The following ANKFN1 variants were observed in gnomAD, a reference collection of about 807,000 sequenced individuals.
ANKFN1 encodes the protein ankyrin repeat and fibronectin type III domain containing 1.
Under a neutral mutation model 108.7 loss-of-function variants are expected in ANKFN1, and 74 were observed. The observed-to-expected ratio is 0.68, with a 90% CI of 0.56 to 0.83. The LOEUF (loss-of-function observed/expected upper bound fraction) is 0.83, where lower values mean the gene tolerates loss of function less well. Among genes scored for constraint, ANKFN1 ranks in the 40% least tolerant of loss-of-function variants. The probability of loss-of-function intolerance (pLI) is 0.00; values close to 1 mark genes in which losing one functional copy is unlikely to be tolerated. For synonymous variants in ANKFN1, 547 were observed against 516.2 expected, an observed-to-expected ratio of 1.06 and a Z score of -0.81; for missense variants, 1,505 against 1,382.3, an observed-to-expected ratio of 1.09 and a Z score of -1.41.
intron 4 of ANKFN1, among the ~76,000 whole-genome samples, chr17:56,078,061 CG>C (rs1329106222): frequency 6.6e-6 from 1 of 152,064 alleles, no homozygotes; most frequent in Non-Finnish European, 1.5e-5. Context: ...TTTGTTGTAG[CG>C]GGCAGTAAAT....
intron 15 of ANKFN1, among the ~76,000 whole-genome samples, chr17:56,468,641 T>G (rs1344887146): frequency 6.6e-6 from 1 of 152,144 alleles, no homozygotes; most frequent in East Asian, 1.9e-4. Flanking sequence ...CTAACTTACT[T>G]TCTAAGTTAC....
intron 1 of ANKFN1, among the ~76,000 whole-genome samples, chr17:56,197,044 A>G (rs1474327945): frequency 6.6e-6 from 1 of 152,208 alleles, no homozygotes; most frequent in Admixed American, 6.5e-5. Flanking sequence ...TGCTTGTTCA[A>G]ATGAAAGAAG....
At chr17:56,286,533 A>G (rs1374912910) in intron 3 of ANKFN1, among the ~76,000 whole-genome samples, 1 of 152,158 alleles carries the variant, frequency 6.6e-6, no homozygotes, top group Non-Finnish European at 1.5e-5. Context: ...TGAGGGCCTC[A>G]TTGTGTCTGT....
At chr17:56,380,670 G>A (rs966681348) in intron 8 of ANKFN1, among the ~76,000 whole-genome samples, 10 of 152,258 alleles carry the variant, frequency 6.6e-5, no homozygotes, top group African/African-American at 2.2e-4. Flanking sequence ...CGCCCACGGA[G>A]TCTCGCTGAT....
chr17:56,394,622 T>C (rs2047527167), intron 8 of ANKFN1, among the ~76,000 whole-genome samples: 1 of 151,864 alleles, frequency 6.6e-6, no homozygotes, highest in Non-Finnish European at 1.5e-5. Flanking sequence ...ACTTATCCCC[T>C]GGGAGCCTGG....
chr17:56,368,405 G>A (rs1170852165), intron 6 of ANKFN1, among the ~76,000 whole-genome samples: 8 of 146,874 alleles, frequency 5.4e-5, no homozygotes, highest in Non-Finnish European at 1.2e-4. Flanking sequence ...TCAGCCTCCC[G>A]TGTAGCTGGG....
rs2051861293 is a variant in ANKFN1 at position 56,514,555 on chromosome 17, G to T, written c.*3286G>T. 6.6e-6 allele frequency among the ~76,000 whole-genome samples: 1 copy of T among 152,172 alleles called. No individual in the cohort carries two copies. The highest frequency in any genetic ancestry group is 1.5e-5 in the Non-Finnish European group (1 of 68,034). On this transcript the variant is annotated 3_prime_UTR_variant, in exon 21 of 21. Coordinates refer to ENST00000682825, the MANE Select transcript of ANKFN1 (RefSeq NM_001370326.1). ...AAACATCCTCTTAATTGGCGAGGGT[G>T]CCTGGGAGACAGTAATTAAAAACAT...
In ANKFN1 at chr17:56,183,760, A is replaced by G. The variant is rs113287935; in HGVS notation, c.-70-28838A>G. On this transcript the variant is annotated intron_variant, in intron 1 of 20. Transcript: ENST00000682825. The stretch of plus-strand genomic sequence containing the variant: ...CCAGTCTCAGGTATATCTTTGTAAC[A>G]ATGCAAAAACAGACTAACACCACCA... 1.8e-3 allele frequency among the ~76,000 whole-genome samples: 281 copies of G among 152,270 alleles called. 2 individuals are homozygous for G. The highest frequency in any genetic ancestry group is 6.3e-3 in the African/African-American group (263 of 41,544).
At chr17:56,241,304 A>G (rs1402187192) in intron 3 of ANKFN1, among the ~76,000 whole-genome samples, 1 of 152,044 alleles carries the variant, frequency 6.6e-6, no homozygotes, top group Admixed American at 6.6e-5. Flanking sequence ...TAAAACAACA[A>G]AAAAAAGAAA....
At chr17:56,304,970 A>T (rs2044775625) in intron 3 of ANKFN1, among the ~76,000 whole-genome samples, 1 of 152,194 alleles carries the variant, frequency 6.6e-6, no homozygotes, top group African/African-American at 2.4e-5. Flanking sequence ...ATGGTGTATT[A>T]GTCCATCCTT....
chr17:56,175,315 A>G (rs1911047361), intron 1 of ANKFN1, among the ~76,000 whole-genome samples: 2 of 152,144 alleles, frequency 1.3e-5, no homozygotes, highest in Admixed American at 6.6e-5. Flanking sequence ...TTTTGTTTTT[A>G]CAAGGAGAGA....
intron 11 of ANKFN1, among the ~76,000 whole-genome samples, chr17:56,454,265 A>G (rs1183147737): frequency 1.3e-5 from 2 of 152,020 alleles, no homozygotes; most frequent in East Asian, 1.9e-4. Flanking sequence ...TTAGCTTTTG[A>G]CAACATGTTT....
At chr17:56,400,703 AATT>A (rs1221587952) in intron 8 of ANKFN1, among the ~76,000 whole-genome samples, 1 of 152,128 alleles carries the variant, frequency 6.6e-6, no homozygotes, top group Non-Finnish European at 1.5e-5. Context: ...AATCTTCTAG[AATT>A]ATTATAGTTT....
intron 1 of ANKFN1, among the ~76,000 whole-genome samples, chr17:56,201,354 G>A (rs1019238): frequency 0.31 from 47,458 of 151,954 alleles, 8,985 homozygotes; most frequent in East Asian, 0.51. Flanking sequence ...TTGTTTGAGC[G>A]CTCCTTTCTC....
At chr17:56,439,877 C>T (rs980870298) in intron 8 of ANKFN1, among the ~76,000 whole-genome samples, 3 of 152,074 alleles carry the variant, frequency 2.0e-5, no homozygotes, top group Non-Finnish European at 4.4e-5. Flanking sequence ...AAGTTATCTA[C>T]TATATAGAAC....
chr17:56,078,261 T>C (rs1905203888), intron 4 of ANKFN1, among the ~76,000 whole-genome samples: 1 of 152,300 alleles, frequency 6.6e-6, no homozygotes, highest in East Asian at 1.9e-4. Flanking sequence ...TCATTTTCCT[T>C]TCTGGGCTTC....
intron 4 of ANKFN1, among the ~76,000 whole-genome samples, chr17:56,080,384 C>A (rs1905231438): frequency 6.6e-6 from 1 of 152,158 alleles, no homozygotes; most frequent in Non-Finnish European, 1.5e-5. Flanking sequence ...CAATGCCCAA[C>A]AGTAAGGGAA....
chr17:56,333,400 A>G (rs965021691), intron 4 of ANKFN1, among the ~76,000 whole-genome samples: 1 of 152,130 alleles, frequency 6.6e-6, no homozygotes, highest in African/African-American at 2.4e-5. Context: ...ATTGCTTTTT[A>G]TGAATCCATA....
chr17:56,153,591 C>T (rs1246914472), intron 1 of ANKFN1, 61 bp downstream of exon 1: 2 of 1,597,884 alleles, frequency 1.3e-6, no homozygotes, highest in African/African-American at 2.7e-5. Context: ...GTTTTGCATT[C>T]AACAGGCAGG....
Sources: gnomAD v4.1 joint callset for allele counts (sites outside exome capture counted in the v4.1 genomes callset) on GRCh38, gnomAD v4.1.1 for gene constraint, MANE v1.5 for transcripts, NCBI Gene and HGNC (gene_info 2026-07-23, HGNC 2026-07-21) for gene names.